Variants in ADGRL2 observed in about 807,000 individuals in gnomAD.
The protein encoded by ADGRL2 is calcium-independent alpha-latrotoxin receptor 2.
A neutral mutation model predicts 157.4 loss-of-function variants in ADGRL2; 44 were observed. That is an observed-to-expected ratio of 0.28 (90% CI 0.22 to 0.36). ADGRL2 has a LOEUF of 0.36. ADGRL2 is among the 10% of genes least tolerant of loss of function. The pLI, the probability that ADGRL2 is intolerant of heterozygous loss-of-function variation, is 1.00. For missense variants in ADGRL2, 1,510 were observed against 1,768.9 expected, an observed-to-expected ratio of 0.85 and a Z score of 2.63; for synonymous variants, 585 against 624.7, an observed-to-expected ratio of 0.94 and a Z score of 0.95.
intron 1 of ADGRL2, among the ~76,000 whole-genome samples, chr1:81,706,470 A>G (rs1299969731): frequency 1.3e-5 from 2 of 152,198 alleles, no homozygotes; most frequent in Admixed American, 6.5e-5. Context: ...TTTAGGTGCC[A>G]GAGCTTGTCT....
Position 81,984,577 on chromosome 1 carries a change from A to C in ADGRL2, c.3283-6A>C. 6.3e-7 allele frequency: 1 copy of C among 1,599,754 alleles called. No individual in the cohort carries two copies. The highest frequency in any genetic ancestry group is 8.5e-7 in the Non-Finnish European group (1 of 1,169,760). On this transcript the variant is annotated splice_polypyrimidine_tract_variant and splice_region_variant and intron_variant, in intron 19 of 23. Coordinates refer to ENST00000686636, the MANE Select transcript of ADGRL2 (RefSeq NM_001366006.2). Reference sequence around the variant, plus strand: ...AATCCCTTGGTCTTGTGATTATTCAATGCAGGTACGAAAAGAATATGGCAA... The same window carrying C: ...AATCCCTTGGTCTTGTGATTATTCACTGCAGGTACGAAAAGAATATGGCAA...
intron 3 of ADGRL2, among the ~76,000 whole-genome samples, chr1:81,634,259 C>T (rs1276503372): frequency 2.0e-5 from 3 of 152,170 alleles, no homozygotes; most frequent in Non-Finnish European, 4.4e-5. Context: ...CAAAAGCTTC[C>T]TAATCTATCT....
At chr1:81,680,655 A>G (rs905223753) in intron 3 of ADGRL2, among the ~76,000 whole-genome samples, 5 of 152,060 alleles carry the variant, frequency 3.3e-5, no homozygotes, top group African/African-American at 1.2e-4. Context: ...AATCTCTAAC[A>G]GAAATTGACT....
At chr1:81,795,914 A>T (rs1160496863), upstream of ADGRL2, among the ~76,000 whole-genome samples, 2 of 152,218 alleles carry the variant, frequency 1.3e-5, no homozygotes, top group Non-Finnish European at 2.9e-5. Flanking sequence ...AAATAAATTT[A>T]ATTCATCGTT....
At position 81,444,800 on chromosome 1, in the gene ADGRL2, T is replaced by C. The variant is rs192393150; in HGVS notation, c.-301-236T>C. ...GTTCAGTTCCAGGAATCGTTTTAGA[T>C]CTTTTTGCTTTTTTGTCTGAGCTGA... On this transcript the variant is annotated intron_variant, in intron 1 of 24. Coordinates refer to the ADGRL2 transcript ENST00000370721. Among the ~76,000 whole-genome samples the C allele has an allele frequency of 4.0e-3, 603 of 152,294 alleles. 4 individuals are homozygous for C. The highest frequency in any genetic ancestry group is 0.014 in the African/African-American group (565 of 41,558).
At chr1:81,334,036 T>G (rs183273940) in intron 1 of ADGRL2, among the ~76,000 whole-genome samples, 23 of 152,344 alleles carry the variant, frequency 1.5e-4, no homozygotes, top group Admixed American at 1.5e-3. Flanking sequence ...CTTCCTAACC[T>G]CCATAACTTT....
intron 2 of ADGRL2, among the ~76,000 whole-genome samples, chr1:81,456,260 C>T (rs1220391612): frequency 6.6e-6 from 1 of 152,026 alleles, no homozygotes; most frequent in East Asian, 1.9e-4. Context: ...GTCTCTGTTG[C>T]TCAGGCTGGA....
At position 81,426,159 on chromosome 1, in the gene ADGRL2, G is replaced by A. The variant is rs1309275878; in HGVS notation, c.-301-18877G>A. ...AGAATAGGCAGTCATGTAGAATTAT[G>A]GTTGGACAATAGGGTGGTTTGACCT... is the stretch of plus-strand genomic sequence containing the variant. On this transcript the variant is annotated intron_variant, in intron 1 of 24. Transcript: ENST00000370721. 2.6e-5 allele frequency among the ~76,000 whole-genome samples: 4 copies of A among 152,292 alleles called. No homozygotes were observed. In the East Asian group the frequency reaches 5.8e-4, roughly 22 times the overall value.
chr1:81,679,709 A>G (rs1240361141), intron 3 of ADGRL2, among the ~76,000 whole-genome samples: 2 of 152,188 alleles, frequency 1.3e-5, no homozygotes, highest in Non-Finnish European at 2.9e-5. Context: ...AATATTTTCT[A>G]GAAAGAGAAG....
At chr1:81,678,120 C>T (rs489438) in intron 3 of ADGRL2, among the ~76,000 whole-genome samples, 53,319 of 151,968 alleles carry the variant, frequency 0.35, 9,462 homozygotes, top group Admixed American at 0.42. Flanking sequence ...ATCATTCCTG[C>T]AGGACTTATA....
intron 1 of ADGRL2, among the ~76,000 whole-genome samples, chr1:81,735,935 G>C (rs1183412503): frequency 1.3e-5 from 2 of 151,734 alleles, no homozygotes; most frequent in Non-Finnish European, 2.9e-5. Context: ...ATGAGGTCAG[G>C]AGATCGAGAC....
At chr1:81,382,994 A>C (rs1285422029) in intron 1 of ADGRL2, among the ~76,000 whole-genome samples, 1 of 152,190 alleles carries the variant, frequency 6.6e-6, no homozygotes, top group Admixed American at 6.5e-5. Flanking sequence ...GCGTTCATTC[A>C]GACTTGTATG....
intron 17 of ADGRL2, among the ~76,000 whole-genome samples, chr1:81,977,163 C>T (rs964407665): frequency 1.3e-5 from 2 of 151,768 alleles, no homozygotes; most frequent in Non-Finnish European, 1.5e-5. Context: ...ATTTGTAAAA[C>T]GGGTATACAA....
chr1:81,490,969 CTT>C, intron 2 of ADGRL2, among the ~76,000 whole-genome samples: 1 of 152,268 alleles, frequency 6.6e-6, no homozygotes, highest in South Asian at 2.1e-4. Context: ...CCAGATAACT[CTT>C]TGTTATGAGA....
In ADGRL2 at chr1:81,991,343, A is replaced by G; in HGVS notation, c.*198A>G. The G allele has an allele frequency of 2.5e-6, 1 of 407,452 alleles. No individual in the cohort carries two copies. The highest frequency in any genetic ancestry group is 4.4e-6 in the Non-Finnish European group (1 of 229,356). 25.2% of individuals were successfully genotyped at this position (407,452 alleles called of 1,614,324 possible). A position where few individuals can be genotyped will look rare whatever the true frequency, so the allele number is the denominator to read the frequency against. On this transcript the variant is annotated 3_prime_UTR_variant, in exon 24 of 24. Transcript: ENST00000686636. ...CAAAAACTTTGTATATACACAGAGT[A>G]TACTAAAGTGAATTATTTGTTACAA...
chr1:81,976,630 A>C (rs1307361407), intron 17 of ADGRL2, among the ~76,000 whole-genome samples: 1 of 151,924 alleles, frequency 6.6e-6, no homozygotes, highest in Non-Finnish European at 1.5e-5. Context: ...TTACATTTGC[A>C]CTTGGATTTA....
chr1:81,763,433 A>G (rs943863261), intron 2 of ADGRL2, among the ~76,000 whole-genome samples: 6 of 151,702 alleles, frequency 4.0e-5, no homozygotes, highest in African/African-American at 1.5e-4. Context: ...AAAAATATAA[A>G]AATTAGCTAG....
intron 2 of ADGRL2, among the ~76,000 whole-genome samples, chr1:81,550,463 TC>T (rs2080119243): frequency 6.6e-6 from 1 of 152,152 alleles, no homozygotes; most frequent in Non-Finnish European, 1.5e-5. Context: ...GGGGACTTAT[TC>T]ACAGTGGAAA....
intron 21 of ADGRL2, among the ~76,000 whole-genome samples, chr1:81,985,907 TG>T (rs1558054515): frequency 6.6e-6 from 1 of 152,034 alleles, no homozygotes; most frequent in African/African-American, 2.4e-5. Flanking sequence ...AAAAATTATA[TG>T]GTATTGTATA....
Sources: allele counts gnomAD v4.1 joint callset (sites outside exome capture counted in the v4.1 genomes callset), GRCh38; gene constraint gnomAD v4.1.1; transcripts MANE v1.5; gene names NCBI Gene and HGNC (gene_info 2026-07-23, HGNC 2026-07-21).